The following PDCD11 variants were observed in gnomAD, a reference collection of about 807,000 sequenced individuals.
PDCD11 encodes programmed cell death 11, also known as protein RRP5 homolog.
A neutral mutation model predicts 198.9 loss-of-function variants in PDCD11; 97 were observed. The observed-to-expected ratio is 0.49, with a 90% CI of 0.41 to 0.58. The LOEUF is 0.58. PDCD11 is among the 20% of genes least tolerant of loss of function. PDCD11 has a pLI of 0.00. For missense variants in PDCD11, 2,102 were observed against 2,312.7 expected (o/e 0.91, Z 1.87); for synonymous variants, 893 against 918.0 (o/e 0.97, Z 0.49).
chr10:103,426,381 G>A (rs901985762), intron 20 of PDCD11, among the ~76,000 whole-genome samples: 1 of 152,134 alleles, frequency 6.6e-6, no homozygotes, highest in African/African-American at 2.4e-5. Flanking sequence ...GCTAACTGTG[G>A]GGTCTTCAGT....
At chr10:103,434,773 T>C in intron 24 of PDCD11, 25 bp from the exon 25 acceptor site, 2 of 1,588,740 alleles carry the variant, frequency 1.3e-6, no homozygotes, top group South Asian at 1.1e-5. Flanking sequence ...TCCTCTTCCC[T>C]GAATCAGGTT....
At position 103,415,115 on chromosome 10, in the gene PDCD11, GA is replaced by G. The variant is rs1249668055; in HGVS notation, c.1484del (p.Lys495ArgfsTer23). On this transcript the variant is annotated frameshift_variant, in exon 12 of 36. Transcript: ENST00000369797. LOFTEE classifies it high-confidence loss of function. ...LADILMKNPE[K>X]KYHIGDEVKC... Reference sequence around the variant, plus strand: ...CTGACATCCTGATGAAGAATCCGGAGAAGAAGTACCACATCGGGGATGAGGT... The same window carrying G: ...CTGACATCCTGATGAAGAATCCGGAGAGAAGTACCACATCGGGGATGAGGT... The G allele has an allele frequency of 6.2e-7, 1 of 1,614,016 alleles. No individual in the cohort carries two copies. Among genetic ancestry groups the G allele is most frequent in the African/African-American group, 1.3e-5 (1 of 74,916 alleles).
At chr10:103,405,711 T>C (rs2030403687) in intron 5 of PDCD11, among the ~76,000 whole-genome samples, 1 of 152,208 alleles carries the variant, frequency 6.6e-6, no homozygotes, top group South Asian at 2.1e-4. Context: ...TTTGCTATCT[T>C]TTGAAACCAC....
intron 21 of PDCD11, among the ~76,000 whole-genome samples, chr10:103,429,760 C>T (rs946472025): frequency 3.9e-5 from 6 of 152,240 alleles, no homozygotes; most frequent in Non-Finnish European, 2.9e-5. Flanking sequence ...TTTTGTCTTG[C>T]GTGACTGAAA....
chr10:103,426,940 T>TAA (rs1260208262), intron 20 of PDCD11, among the ~76,000 whole-genome samples: 3 of 148,294 alleles, frequency 2.0e-5, no homozygotes, highest in South Asian at 2.1e-4. Flanking sequence ...AAAAAAAAAA[T>TAA]AAATAAATAA....
intron 33 of PDCD11, among the ~76,000 whole-genome samples, chr10:103,443,695 G>A (rs1193827321): frequency 5.3e-5 from 8 of 152,178 alleles, no homozygotes; most frequent in African/African-American, 1.9e-4. Context: ...CCCTCCCATG[G>A]GTGCGGATCA....
rs148511637 is a variant in PDCD11 at position 103,416,584 on chromosome 10, G to C, written c.1612G>C (p.Asp538His). Residue 538 changes from aspartate to histidine, a missense_variant, in exon 13 of 36, where the codon GAT (aspartate) becomes CAT (histidine). Coordinates refer to ENST00000369797, the MANE Select transcript of PDCD11 (RefSeq NM_014976.2). ...ACTACCTGTCATTACCTGCTATGCC[G>C]ATGCCAAGCCTGGTCTGCAGACACA... ...SKLPVITCYA[D>H]AKPGLQTHGF... is the part of the protein sequence containing the mutation. The C allele has an allele frequency of 6.2e-7, 1 of 1,614,168 alleles. No individual in the cohort carries two copies. The highest frequency in any genetic ancestry group is 8.5e-7 in the Non-Finnish European group (1 of 1,180,024).
At chr10:103,444,153 T>A (rs1297786880) in intron 34 of PDCD11, 85 bp downstream of exon 34, 2 of 1,217,220 alleles carry the variant, frequency 1.6e-6, no homozygotes, top group African/African-American at 1.5e-5. Context: ...TTCTTCTAAG[T>A]CAGGAGAGCC....
rs1592142793 is a variant in PDCD11, at chr10:103,441,743, A to G, written c.4558-83A>G. 5 of 1,327,044 alleles carry G rather than the reference A, an allele frequency of 3.8e-6. No individual in the cohort carries two copies. In the East Asian group the frequency reaches 1.2e-4, roughly 31 times the overall value. The allele number at this position is 1,327,044 out of a possible 1,614,324, so 82.2% of individuals were successfully genotyped here. A position where few individuals can be genotyped will look rare whatever the true frequency, so the allele number is the denominator to read the frequency against. The stretch of plus-strand genomic sequence containing the variant: ...GGGTCTCTGGGCTTGGTAGGAGTCC[A>G]TGCTCCTCCAGGTGGGCTGGCACGG... On this transcript the variant is annotated intron_variant, in intron 30 of 35. Transcript: ENST00000369797.
chr10:103,411,255 T>A (rs1485957567), intron 8 of PDCD11, among the ~76,000 whole-genome samples: 2 of 152,158 alleles, frequency 1.3e-5, no homozygotes, highest in African/African-American at 4.8e-5. Flanking sequence ...ACAATGAACA[T>A]GGATATTTGG....
chr10:103,421,897 G>A (rs1214280206), intron 17 of PDCD11, among the ~76,000 whole-genome samples: 3 of 149,196 alleles, frequency 2.0e-5, no homozygotes, highest in African/African-American at 7.4e-5. Context: ...AACCCGGGAA[G>A]CGGAGCTTGC....
Position 103,419,530 on chromosome 10 carries a change from AC to A in PDCD11, c.2107-6del. 6.2e-7 allele frequency: 1 copy of A among 1,611,820 alleles called. No individual in the cohort carries two copies. Among genetic ancestry groups the A allele is most frequent in the Non-Finnish European group, 8.5e-7 (1 of 1,178,948 alleles). Reference sequence around the variant, plus strand: ...TTTCTGGAACATTCCTTGATGAAGTACCACTAGCTTCTTTGCAGGAAGCCAG... The same window carrying A: ...TTTCTGGAACATTCCTTGATGAAGTACACTAGCTTCTTTGCAGGAAGCCAG... On this transcript the variant is annotated splice_region_variant and splice_polypyrimidine_tract_variant and intron_variant, in intron 15 of 35. Transcript: ENST00000369797.
chr10:103,403,734 A>C (rs906919296), intron 4 of PDCD11, among the ~76,000 whole-genome samples: 1 of 151,156 alleles, frequency 6.6e-6, no homozygotes, highest in African/African-American at 2.4e-5. Context: ...TTGAAGAGGC[A>C]TGAGAAGTTG....
chr10:103,415,112 G>A lies in PDCD11; in HGVS notation c.1479G>A (p.Pro493=), dbSNP rs2271750. Reference sequence around the variant, plus strand: ...TGGCTGACATCCTGATGAAGAATCCGGAGAAGAAGTACCACATCGGGGATG... The same window carrying A: ...TGGCTGACATCCTGATGAAGAATCCAGAGAAGAAGTACCACATCGGGGATG... ...MHLADILMKN[P]EKKYHIGDEV... The change falls in exon 12 of 36, where the codon CCG becomes CCA. Residue 493 remains proline (P), a synonymous_variant. Transcript: ENST00000369797. The A allele has an allele frequency of 0.12, 201,050 of 1,613,840 alleles. 13,028 individuals carry two copies. The highest frequency in any genetic ancestry group is 0.22 in the Middle Eastern group (1,304 of 6,020).
chr10:103,410,871 C>T (rs2030760461), intron 8 of PDCD11, among the ~76,000 whole-genome samples: 1 of 151,616 alleles, frequency 6.6e-6, no homozygotes, highest in African/African-American at 2.4e-5. Flanking sequence ...GTCAGGAGTT[C>T]AAAACCAGCC....
At chr10:103,406,981 A>C (rs935215733) in intron 7 of PDCD11, among the ~76,000 whole-genome samples, 191 bp downstream of exon 7, 1 of 152,238 alleles carries the variant, frequency 6.6e-6, no homozygotes, top group Non-Finnish European at 1.5e-5. Flanking sequence ...AAAAAACTAT[A>C]CTAAAAAGTC....
chr10:103,405,044 T>C lies in PDCD11; in HGVS notation c.425T>C (p.Leu142Pro), dbSNP rs771713057. The C allele has an allele frequency of 6.2e-7, 1 of 1,614,020 alleles. No homozygotes were observed. The highest frequency in any genetic ancestry group is 1.1e-5 in the South Asian group (1 of 91,078). Reference sequence around the variant, plus strand: ...CAGGACCTACTTCACTTGCCTGAACTTTTCTCACCTGGAATGCTGGTAAGA... The same window carrying C: ...CAGGACCTACTTCACTTGCCTGAACCTTTCTCACCTGGAATGCTGGTAAGA... Reference protein sequence around the residue: ...PLKDLLHLPELFSPGMLVRCV... With the variant: ...PLKDLLHLPEPFSPGMLVRCV... Residue 142 changes from leucine to proline, a missense_variant, in exon 5 of 36, where the codon CTT (leucine) becomes CCT (proline). Transcript: ENST00000369797.
At chr10:103,428,136 T>C (rs2133726839) in intron 21 of PDCD11, among the ~76,000 whole-genome samples, 1 of 152,090 alleles carries the variant, frequency 6.6e-6, no homozygotes, top group Admixed American at 6.6e-5. Flanking sequence ...CGAAACCCCA[T>C]CTCTACTAAA....
Position 103,445,503 on chromosome 10 carries a change from A to AG in PDCD11, c.5572dup (p.Ala1858GlyfsTer49). 1 of 1,614,142 alleles carries AG rather than the reference A, an allele frequency of 6.2e-7. No homozygotes were observed. Among genetic ancestry groups the AG allele is most frequent in the Non-Finnish European group, 8.5e-7 (1 of 1,180,034 alleles). ...AAGGATGTGCAGGCAGTCAAGGCCA[A>AG]GGCCCTGGAGTATGTGGAGGCCAAG... On this transcript the variant is annotated frameshift_variant, in exon 36 of 36. Transcript: ENST00000369797. LOFTEE classifies it high-confidence loss of function.
Sources: allele counts gnomAD v4.1 joint callset (sites outside exome capture counted in the v4.1 genomes callset), GRCh38; gene constraint gnomAD v4.1.1; transcripts MANE v1.5; gene names NCBI Gene and HGNC (gene_info 2026-07-23, HGNC 2026-07-21).